The following GSE1 variants were observed in gnomAD, a reference collection of about 807,000 sequenced individuals.
GSE1 encodes the protein genetic suppressor element 1.
GSE1 carries 32 observed loss-of-function variants against 112.6 expected under a neutral mutation model. The observed-to-expected ratio is 0.28, with a 90% CI of 0.21 to 0.38. The LOEUF is 0.38. GSE1 is among the 10% of genes least tolerant of loss of function. The pLI is 1.00. For missense variants in GSE1, 2,348 were observed against 1,699.2 expected, an observed-to-expected ratio of 1.38 and a Z score of -6.71; for synonymous variants, 1,115 against 735.6, an observed-to-expected ratio of 1.52 and a Z score of -8.35.
Position 85,337,953 on chromosome 16 carries a change from C to A in GSE1, c.2284-19510C>A, listed in dbSNP as rs537878402. ...GAGTTGGAGACTATGGAGCAGGTGA[C>A]CTTTCAGGTTCTTCCCACCTCTGAG... On this transcript the variant is annotated intron_variant, in intron 1 of 2. Coordinates refer to the GSE1 transcript ENST00000637419. Among the ~76,000 whole-genome samples the A allele has an allele frequency of 2.6e-5, 4 of 152,342 alleles. No homozygotes were observed. In the East Asian group the frequency reaches 7.7e-4, roughly 29 times the overall value.
chr16:85,224,747 T>C (rs1462734699), intron 1 of GSE1, among the ~76,000 whole-genome samples: 1 of 151,724 alleles, frequency 6.6e-6, no homozygotes, highest in African/African-American at 2.4e-5. Flanking sequence ...CCCAGCACTT[T>C]GGGAGGCTGA....
intron 1 of GSE1, among the ~76,000 whole-genome samples, chr16:85,600,581 A>ACACACACC (rs1555542691): frequency 6.7e-6 from 1 of 149,848 alleles, no homozygotes; most frequent in African/African-American, 2.5e-5. Context: ...ACACACACAC[A>ACACACACC]CCCCAAACAC....
At chr16:85,350,344 G>T (rs561081127) in intron 1 of GSE1, among the ~76,000 whole-genome samples, 35 of 152,256 alleles carry the variant, frequency 2.3e-4, no homozygotes, top group African/African-American at 8.2e-4. Context: ...GAGCTTGCTT[G>T]GAAGGAAGAG....
At chr16:85,586,712 G>A (rs1349391370) in intron 1 of GSE1, among the ~76,000 whole-genome samples, 5 of 152,118 alleles carry the variant, frequency 3.3e-5, no homozygotes, top group African/African-American at 4.8e-5. Context: ...GAGAGCAGCC[G>A]TGTGAGACCC....
intron 1 of GSE1, among the ~76,000 whole-genome samples, chr16:85,291,660 G>A (rs935356378): frequency 3.3e-5 from 5 of 152,154 alleles, no homozygotes; most frequent in African/African-American, 1.2e-4. Context: ...TGCTGACAGA[G>A]CCCAGCTGGG....
At chr16:85,303,777 C>G (rs1399101035) in intron 1 of GSE1, among the ~76,000 whole-genome samples, 2 of 152,232 alleles carry the variant, frequency 1.3e-5, no homozygotes, top group African/African-American at 4.8e-5. Context: ...GGCCCTGCCT[C>G]AGTTTCCTCA....
chr16:85,335,981 A>G (rs928428635), intron 1 of GSE1, among the ~76,000 whole-genome samples: 2 of 152,164 alleles, frequency 1.3e-5, no homozygotes, highest in Admixed American at 1.3e-4. Context: ...CCAGGAGGAC[A>G]GAGCCAGGGC....
chr16:85,652,545 A>AGGCGGCGGCGGCGGCGGCGGC lies in GSE1; in HGVS notation c.427-1732_427-1712dup, dbSNP rs142500416. Among the ~76,000 whole-genome samples, 13 of 150,954 alleles carry AGGCGGCGGCGGCGGCGGCGGC rather than the reference A, an allele frequency of 8.6e-5. No individual in the cohort carries two copies. The East Asian group carries it at 1.6e-3, about 18-fold the overall frequency. ...GATGCTGCCTCTCATTGAAGATTCCAGGCGGCGGCGGCGGCGGCGGCTCCT... is the reference window on the plus strand; with the variant it reads ...GATGCTGCCTCTCATTGAAGATTCCAGGCGGCGGCGGCGGCGGCGGCGGCGGCGGCGGCGGCGGCGGCTCCT... On this transcript the variant is annotated intron_variant, in intron 3 of 15. Coordinates refer to ENST00000253458, the MANE Select transcript of GSE1 (RefSeq NM_014615.5).
rs116359550 is a variant in GSE1, at chr16:85,653,978, C to G, written c.427-300C>G. ...AGCCCCTGCCACCCTGCATCCTTCACCTGCACACATTGTGTTTCTGGGGGG... is the reference window on the plus strand; with the variant it reads ...AGCCCCTGCCACCCTGCATCCTTCAGCTGCACACATTGTGTTTCTGGGGGG... On this transcript the variant is annotated intron_variant, in intron 3 of 15. Transcript: ENST00000253458. Among the ~76,000 whole-genome samples, 1,940 of 152,270 alleles carry G rather than the reference C, an allele frequency of 0.013. 43 individuals carry two copies. Among genetic ancestry groups the G allele is most frequent in the African/African-American group, 0.045 (1,854 of 41,528 alleles).
rs941881260 is a variant in GSE1 at position 85,633,796 on chromosome 16, C to T, written c.8-118C>T. The T allele has an allele frequency of 1.4e-5, 10 of 707,700 alleles. No homozygotes were observed. In the African/African-American group the frequency reaches 1.8e-4, roughly 13 times the overall value. The allele number at this position is 707,700 out of a possible 1,614,324, so 43.8% of individuals were successfully genotyped here. The stretch of plus-strand genomic sequence containing the variant: ...CTGTTCTTGCTTGTCCTGCTGGAGC[C>T]CCCGGGGCTGCCCCTGCTCCCTGCC... On this transcript the variant is annotated intron_variant, in intron 1 of 15. Transcript: ENST00000253458.
intron 1 of GSE1, among the ~76,000 whole-genome samples, chr16:85,622,541 A>G (rs1598418176): frequency 6.6e-6 from 1 of 152,302 alleles, no homozygotes; most frequent in Non-Finnish European, 1.5e-5. Context: ...GTTTACAGAT[A>G]GGCTCTTCGA....
chr16:85,536,395 C>T (rs1057102739), intron 2 of GSE1, among the ~76,000 whole-genome samples: 4 of 152,232 alleles, frequency 2.6e-5, no homozygotes, highest in African/African-American at 9.6e-5. Flanking sequence ...GGAGGCAGGA[C>T]GGTCGGCCAA....
chr16:85,416,457 G>C (rs962700972), intron 2 of GSE1, among the ~76,000 whole-genome samples: 1 of 152,276 alleles, frequency 6.6e-6, no homozygotes, highest in Non-Finnish European at 1.5e-5. Context: ...GCAGGTGGGA[G>C]TCCACCGGGC....
chr16:85,546,136 G>C (rs942747576), intron 2 of GSE1, among the ~76,000 whole-genome samples: 1 of 152,042 alleles, frequency 6.6e-6, no homozygotes, highest in Non-Finnish European at 1.5e-5. Context: ...CCAGGCTAGA[G>C]TACAGTGGCC....
intron 1 of GSE1, among the ~76,000 whole-genome samples, chr16:85,264,727 A>T (rs765555411): frequency 3.9e-5 from 6 of 152,132 alleles, no homozygotes; most frequent in Non-Finnish European, 8.8e-5. Context: ...CTGGTGTCCC[A>T]GTGTGTGTAG....
chr16:85,576,276 G>A (rs1486971811), intron 1 of GSE1, among the ~76,000 whole-genome samples: 5 of 152,192 alleles, frequency 3.3e-5, no homozygotes, highest in Admixed American at 2.6e-4. Flanking sequence ...CAGAGGGAAA[G>A]GCACATTTAA....
At chr16:85,540,081 C>T (rs1005795146) in intron 2 of GSE1, among the ~76,000 whole-genome samples, 2 of 152,222 alleles carry the variant, frequency 1.3e-5, no homozygotes, top group Non-Finnish European at 2.9e-5. Context: ...CTGCTTCTGT[C>T]AGCTGTTGTG....
At chr16:85,294,371 A>T (rs992458106) in intron 1 of GSE1, among the ~76,000 whole-genome samples, 7 of 152,134 alleles carry the variant, frequency 4.6e-5, no homozygotes, top group Non-Finnish European at 8.8e-5. Flanking sequence ...GTTTACTCTG[A>T]GTGACTCGTG....
rs374268424 is a variant in GSE1, at chr16:85,656,496, C to T, written c.1143C>T (p.Arg381=). 3.9e-5 allele frequency: 60 copies of T among 1,544,724 alleles called. No individual in the cohort carries two copies. Among genetic ancestry groups the T allele is most frequent in the Middle Eastern group, 1.8e-4 (1 of 5,624 alleles). Residue 381 remains arginine, a synonymous_variant, in exon 7 of 16, where the codon CGC becomes CGT. Transcript: ENST00000253458. ...AGGAGCGTGAGCGTGAGAAGGAGCG[C>T]GAGCGCGAGCTGGAGCGCCAGCGGG... is the stretch of plus-strand genomic sequence containing the variant. ...QEKEREREKE[R]ERELERQREQ...
Sources: allele counts gnomAD v4.1 joint callset (sites outside exome capture counted in the v4.1 genomes callset), GRCh38; gene constraint gnomAD v4.1.1; transcripts MANE v1.5; gene names NCBI Gene and HGNC (gene_info 2026-07-23, HGNC 2026-07-21).